Variants in ERBB4 observed in about 807,000 individuals in gnomAD.
The protein encoded by ERBB4 is erb-b2 receptor tyrosine kinase 4, also known as receptor tyrosine-protein kinase erbB-4.
In ERBB4, 42 loss-of-function variants were observed where a neutral mutation model predicts 158.0. The ratio of observed to expected loss-of-function variants is 0.27; its 90% CI spans 0.21 to 0.34. The LOEUF (loss-of-function observed/expected upper bound fraction) is 0.34. Ranked by LOEUF, ERBB4 falls within the 10% of genes least tolerant of loss-of-function variation. The probability of loss-of-function intolerance (pLI) is 1.00; values close to 1 mark genes in which losing one functional copy is unlikely to be tolerated. For missense variants in ERBB4, 1,333 were observed against 1,624.1 expected (o/e 0.82, Z 3.08); for synonymous variants, 583 against 558.7 (o/e 1.04, Z -0.61).
intron 1 of ERBB4, among the ~76,000 whole-genome samples, chr2:212,291,172 A>G (rs2086192785): frequency 6.6e-6 from 1 of 152,122 alleles, no homozygotes; most frequent in Non-Finnish European, 1.5e-5. Context: ...CTCTCCAAGC[A>G]TATTTAACAT....
chr2:212,465,633 A>G (rs1031725745), intron 1 of ERBB4, among the ~76,000 whole-genome samples: 4 of 152,140 alleles, frequency 2.6e-5, no homozygotes, highest in Non-Finnish European at 5.9e-5. Flanking sequence ...TGTTAACCAT[A>G]GTAGCTGTGA....
intron 1 of ERBB4, among the ~76,000 whole-genome samples, chr2:212,491,406 G>A (rs1690269652): frequency 6.6e-6 from 1 of 151,542 alleles, no homozygotes; most frequent in Non-Finnish European, 1.5e-5. Context: ...GAAGGCAATA[G>A]ATTCTTCTTA....
At chr2:211,776,218 G>C (rs767004230) in intron 4 of ERBB4, among the ~76,000 whole-genome samples, 1 of 152,162 alleles carries the variant, frequency 6.6e-6, no homozygotes, top group Non-Finnish European at 1.5e-5. Flanking sequence ...CTTAGATGGA[G>C]TTTTTTACAA....
chr2:211,958,930 G>T (rs1396888117), intron 2 of ERBB4, among the ~76,000 whole-genome samples: 1 of 151,804 alleles, frequency 6.6e-6, no homozygotes, highest in African/African-American at 2.4e-5. Context: ...CCTTCTCTTA[G>T]GTGCCTTCTC....
At chr2:212,222,585 G>T (rs997672847) in intron 1 of ERBB4, among the ~76,000 whole-genome samples, 8 of 150,458 alleles carry the variant, frequency 5.3e-5, no homozygotes, top group African/African-American at 9.7e-5. Flanking sequence ...TACTATATTC[G>T]CCTGGTTTTC....
chr2:212,487,655 AT>A (rs1690047463), intron 1 of ERBB4, among the ~76,000 whole-genome samples: 1 of 152,002 alleles, frequency 6.6e-6, no homozygotes, highest in African/African-American at 2.4e-5. Context: ...TATAATCCAT[AT>A]TACATGCCAT....
chr2:212,366,399 G>C (rs2089892672), intron 1 of ERBB4, among the ~76,000 whole-genome samples: 1 of 151,748 alleles, frequency 6.6e-6, no homozygotes, highest in Non-Finnish European at 1.5e-5. Flanking sequence ...AAATTATGGG[G>C]AAAAAAGAAC....
chr2:212,309,948 T>C (rs1379210187), intron 1 of ERBB4, among the ~76,000 whole-genome samples: 2 of 150,572 alleles, frequency 1.3e-5, no homozygotes, highest in African/African-American at 2.4e-5. Flanking sequence ...TGTTGGGCCA[T>C]GTTTTCAGTG....
chr2:211,549,641 A>C (rs2067029326), intron 20 of ERBB4, among the ~76,000 whole-genome samples: 1 of 152,156 alleles, frequency 6.6e-6, no homozygotes, highest in Non-Finnish European at 1.5e-5. Flanking sequence ...CTGACACGTA[A>C]GTGAGCCCAG....
chr2:211,685,744 A>G lies in ERBB4; in HGVS notation c.1490-6560T>C, dbSNP rs148744883. Among the ~76,000 whole-genome samples the G allele has an allele frequency of 2.8e-3, 429 of 152,290 alleles. 7 individuals are homozygous for G. Among genetic ancestry groups the G allele is most frequent in the East Asian group, 0.018 (91 of 5,186 alleles). On this transcript the variant is annotated intron_variant, in intron 12 of 27. Transcript: ENST00000342788. ...CATCTTTATGATTTTGAGCTATTCA[A>G]TACAGGAACACAGTAGGCTTTTGCA...
chr2:211,708,280 T>G (rs539207962), intron 9 of ERBB4, among the ~76,000 whole-genome samples: 1 of 152,240 alleles, frequency 6.6e-6, no homozygotes, highest in East Asian at 1.9e-4. Context: ...ACATCATAAT[T>G]CATTTATATG....
intron 20 of ERBB4, among the ~76,000 whole-genome samples, chr2:211,484,049 A>G (rs2125554496): frequency 6.6e-6 from 1 of 152,346 alleles, no homozygotes; most frequent in South Asian, 2.1e-4. Flanking sequence ...ATATCTCACA[A>G]GAAATGTTAG....
intron 18 of ERBB4, among the ~76,000 whole-genome samples, chr2:211,623,035 AT>A (rs1559357109): frequency 1.9e-5 from 2 of 105,572 alleles, no homozygotes; most frequent in Non-Finnish European, 3.7e-5. Context: ...ATATATATAT[AT>A]ATATATATAA....
intron 2 of ERBB4, among the ~76,000 whole-genome samples, chr2:212,113,948 T>A (rs1471171538): frequency 6.6e-6 from 1 of 152,220 alleles, no homozygotes; most frequent in South Asian, 2.1e-4. Context: ...ATTTTTTTCC[T>A]GATTATGACT....
chr2:212,249,490 T>G (rs1184902192), intron 1 of ERBB4, among the ~76,000 whole-genome samples: 1 of 134,768 alleles, frequency 7.4e-6, no homozygotes, highest in Non-Finnish European at 1.7e-5. Context: ...CAAGCAGTTT[T>G]TGTCTATCTT....
At chr2:211,711,908 G>C (rs1352153012) in intron 9 of ERBB4, 142 bp downstream of exon 9, 1 of 700,202 alleles carries the variant, frequency 1.4e-6, no homozygotes, top group African/African-American at 1.8e-5. Flanking sequence ...GGTGAAATCA[G>C]GCCCCTGCTT....
At chr2:212,085,792 A>C (rs2078586846) in intron 2 of ERBB4, among the ~76,000 whole-genome samples, 1 of 151,930 alleles carries the variant, frequency 6.6e-6, no homozygotes, top group Non-Finnish European at 1.5e-5. Context: ...TATATAAAGA[A>C]GCTTACACAT....
intron 1 of ERBB4, among the ~76,000 whole-genome samples, chr2:212,476,158 C>T (rs901179787): frequency 6.6e-6 from 1 of 151,074 alleles, no homozygotes; most frequent in Non-Finnish European, 1.5e-5. Flanking sequence ...CTCTGTCACA[C>T]ACACACACAC....
chr2:212,051,463 C>T (rs2077397175), intron 2 of ERBB4, among the ~76,000 whole-genome samples: 1 of 152,010 alleles, frequency 6.6e-6, no homozygotes, highest in Non-Finnish European at 1.5e-5. Context: ...CAAACCTATG[C>T]ATTTAAAGAA....
Sources: gnomAD v4.1 joint callset for allele counts (sites outside exome capture counted in the v4.1 genomes callset) on GRCh38, gnomAD v4.1.1 for gene constraint, MANE v1.5 for transcripts, NCBI Gene and HGNC (gene_info 2026-07-23, HGNC 2026-07-21) for gene names.